GSDME: variants seen among roughly 807,000 people sequenced by gnomAD.
GSDME encodes the protein gasdermin-E.
A neutral mutation model predicts 47.5 loss-of-function variants in GSDME; 44 were observed. That is an observed-to-expected ratio of 0.93 (90% confidence interval 0.73 to 1.19). The LOEUF (loss-of-function observed/expected upper bound fraction) is 1.19. Among genes scored for constraint, GSDME ranks in the 50% most tolerant of loss-of-function variants. The pLI is 0.00. For missense variants in GSDME, 663 were observed against 604.2 expected, an observed-to-expected ratio of 1.10 and a Z score of -1.02; for synonymous variants, 258 against 252.8, an observed-to-expected ratio of 1.02 and a Z score of -0.20.
intron 3 of GSDME, among the ~76,000 whole-genome samples, chr7:24,723,007 C>G (rs1051578142): frequency 2.6e-5 from 4 of 152,218 alleles, no homozygotes; most frequent in Non-Finnish European, 2.9e-5. Context: ...ACAGCTCATG[C>G]AGGCCACTGG....
rs187462040 is a variant in GSDME at position 24,745,344 on chromosome 7, A to C, written c.212-590T>G. Among the ~76,000 whole-genome samples, 9 of 152,144 alleles carry C rather than the reference A, an allele frequency of 5.9e-5. No individual in the cohort carries two copies. The East Asian group carries it at 1.4e-3, about 23-fold the overall frequency. On this transcript the variant is annotated intron_variant, in intron 2 of 9. Transcript: ENST00000645220. The surrounding 1 kb of genome is among the most constrained non-coding windows in gnomAD (Gnocchi z 4.4). ...AGGCCTGTCTGGGGGCATCTTGTCT[A>C]CCCACCCACCAGTCTTGGAAAACAA...
chr7:24,788,255 G>A, the GSDME span, among the ~76,000 whole-genome samples: 2 of 152,200 alleles, frequency 1.3e-5, no homozygotes, highest in African/African-American at 2.4e-5. This position sits in a 1 kb window ranked among gnomAD's most constrained non-coding sequence, Gnocchi z 4.6. Flanking sequence ...GGCTCTCTCG[G>A]GTTCAGCCAC....
At chr7:24,702,373 G>C in intron 9 of GSDME, 2 of 351,236 alleles carry the variant, frequency 5.7e-6, no homozygotes, top group Non-Finnish European at 5.6e-6. Context: ...TGGCAAATCT[G>C]CTGCAGAGCT....
chr7:24,779,535 G>A, the GSDME span, among the ~76,000 whole-genome samples: 14 of 151,732 alleles, frequency 9.2e-5, no homozygotes, highest in Non-Finnish European at 1.3e-4. The surrounding 1 kb of genome is among the most constrained non-coding windows in gnomAD (Gnocchi z 6.0). Flanking sequence ...GTGTGTCTGT[G>A]TGTTGTGCCA....
chr7:24,712,925 G>T lies in GSDME; in HGVS notation c.698-2537C>A, dbSNP rs1021547203. 3.3e-5 allele frequency among the ~76,000 whole-genome samples: 5 copies of T among 152,014 alleles called. No homozygotes were observed. Among genetic ancestry groups the T allele is most frequent in the Non-Finnish European group, 5.9e-5 (4 of 68,024 alleles). ...CCCAGTTACTCAGGAGGCTGAGGCA[G>T]GAGAATCGTTTGAACCTGGGAGGCG... On this transcript the variant is annotated intron_variant, in intron 5 of 9. Transcript: ENST00000645220. This position sits in a 1 kb window ranked among gnomAD's most constrained non-coding sequence, Gnocchi z 4.4.
intron 3 of GSDME, among the ~76,000 whole-genome samples, chr7:24,723,412 G>C (rs1378517811): frequency 6.6e-6 from 1 of 152,144 alleles, no homozygotes; most frequent in Non-Finnish European, 1.5e-5. Context: ...GCCCTCCTCA[G>C]AACAGAAATC....
At position 24,757,139 on chromosome 7, in the gene GSDME, A is replaced by G. The variant is rs1791050949; in HGVS notation, c.-20+257T>C. ...GGATGGGAAGGGGATGCTGACTGCG[A>G]GTTGGGGCGGGACGCGGTGATGGGA... On this transcript the variant is annotated intron_variant, in intron 1 of 9. Coordinates refer to ENST00000645220, the MANE Select transcript of GSDME (RefSeq NM_001127453.2). This position sits in a 1 kb window ranked among gnomAD's most constrained non-coding sequence, Gnocchi z 5.9. Among the ~76,000 whole-genome samples the G allele has an allele frequency of 6.6e-6, 1 of 151,744 alleles. No homozygotes were observed. The highest frequency in any genetic ancestry group is 2.1e-4 in the South Asian group (1 of 4,822).
At position 24,716,105 on chromosome 7, in the gene GSDME, C is replaced by T. The variant is rs1789543084; in HGVS notation, c.697+1149G>A. 6.6e-6 allele frequency among the ~76,000 whole-genome samples: 1 copy of T among 152,220 alleles called. No individual in the cohort carries two copies. The highest frequency in any genetic ancestry group is 2.4e-5 in the African/African-American group (1 of 41,450). ...TCACGGGAGACTGCCCCCCACCCGC[C>T]TTCCACAAATGGGGGAGAAGCAGGA... On this transcript the variant is annotated intron_variant, in intron 5 of 9. Transcript: ENST00000645220. This position sits in a 1 kb window ranked among gnomAD's most constrained non-coding sequence, Gnocchi z 4.5.
At chr7:24,753,552 T>TG (rs1424516720) in intron 1 of GSDME, among the ~76,000 whole-genome samples, 1 of 152,100 alleles carries the variant, frequency 6.6e-6, no homozygotes, top group Non-Finnish European at 1.5e-5. Flanking sequence ...GCTAGAACAA[T>TG]GGGTAAATGC....
At chr7:24,753,620 T>C (rs1790925289) in intron 1 of GSDME, among the ~76,000 whole-genome samples, 1 of 152,236 alleles carries the variant, frequency 6.6e-6, no homozygotes, top group African/African-American at 2.4e-5. Context: ...TACAAAAGTA[T>C]CCATCTTAGC....
At chr7:24,781,568 A>G in the GSDME span, among the ~76,000 whole-genome samples, 3 of 152,308 alleles carry the variant, frequency 2.0e-5, no homozygotes, top group South Asian at 4.1e-4. Flanking sequence ...TTCTCAAACT[A>G]TTTGATCTTA....
chr7:24,721,902 G>T lies in GSDME; in HGVS notation c.405-2684C>A, dbSNP rs151150851. On this transcript the variant is annotated intron_variant, in intron 3 of 9. Transcript: ENST00000645220. This position sits in a 1 kb window ranked among gnomAD's most constrained non-coding sequence, Gnocchi z 4.1. ...GCCAGGTGTGTGCCTACCCCGAGGCGTTGGCACACATTCCCTGATGGCCAC... is the reference window on the plus strand; with the variant it reads ...GCCAGGTGTGTGCCTACCCCGAGGCTTTGGCACACATTCCCTGATGGCCAC... 1.1e-4 allele frequency among the ~76,000 whole-genome samples: 17 copies of T among 152,294 alleles called. No individual in the cohort carries two copies. The South Asian group carries it at 3.5e-3, about 32-fold the overall frequency.
At chr7:24,760,178 T>C (rs1481721656), upstream of GSDME, among the ~76,000 whole-genome samples, 2 of 152,194 alleles carry the variant, frequency 1.3e-5, no homozygotes. The surrounding 1 kb of genome is among the most constrained non-coding windows in gnomAD (Gnocchi z 4.2). Flanking sequence ...AACACATCTA[T>C]TGGGTGTCGT....
the GSDME span, among the ~76,000 whole-genome samples, chr7:24,777,001 AAAT>A: frequency 1.4e-4 from 21 of 152,200 alleles, no homozygotes; most frequent in African/African-American, 4.6e-4. Context: ...CTAGTTCTAT[AAAT>A]AATATAATTG....
chr7:24,755,784 A>G (rs929011396), intron 1 of GSDME, among the ~76,000 whole-genome samples: 4 of 152,210 alleles, frequency 2.6e-5, no homozygotes, highest in Non-Finnish European at 5.9e-5. Context: ...ATTCTGTAAC[A>G]TAAGAAAGTG....
In GSDME at chr7:24,739,213, T is replaced by G. The variant is rs1790408523; in HGVS notation, c.404+5349A>C. On this transcript the variant is annotated intron_variant, in intron 3 of 9. Transcript: ENST00000645220. This position sits in a 1 kb window ranked among gnomAD's most constrained non-coding sequence, Gnocchi z 5.1. ...CAACTCACAGAATGGGATAAAATAT[T>G]TTTACACTACCCATGTGACAAGAGA... 6.6e-6 allele frequency among the ~76,000 whole-genome samples: 1 copy of G among 152,072 alleles called. No individual in the cohort carries two copies. The highest frequency in any genetic ancestry group is 1.5e-5 in the Non-Finnish European group (1 of 67,992).
the GSDME span, among the ~76,000 whole-genome samples, chr7:24,773,064 C>A: frequency 0.046 from 7,049 of 152,282 alleles, 218 homozygotes; most frequent in Middle Eastern, 0.088. The surrounding 1 kb of genome is among the most constrained non-coding windows in gnomAD (Gnocchi z 5.4). Flanking sequence ...CCAAGGTGGG[C>A]TATGCAAGCC....
rs185044302 is a variant in GSDME, at chr7:24,742,074, A to G, written c.404+2488T>C. On this transcript the variant is annotated intron_variant, in intron 3 of 9. Transcript: ENST00000645220. This position sits in a 1 kb window ranked among gnomAD's most constrained non-coding sequence, Gnocchi z 4.4. ...ACAAGTAATAGGACTCCCGAGTCCA[A>G]GTGATCTCATCCCTGTGTCCAGGCA... Among the ~76,000 whole-genome samples, 3 of 152,328 alleles carry G rather than the reference A, an allele frequency of 2.0e-5. No homozygotes were observed. The East Asian group carries it at 5.8e-4, about 29-fold the overall frequency.
At chr7:24,772,975 G>T in the GSDME span, among the ~76,000 whole-genome samples, 20 of 152,224 alleles carry the variant, frequency 1.3e-4, 1 homozygote, top group South Asian at 2.9e-3. The surrounding 1 kb of genome is among the most constrained non-coding windows in gnomAD (Gnocchi z 4.5). Context: ...GGACCTATGG[G>T]GTTGGGGTGA....
Sources: gnomAD v4.1 joint callset for allele counts (sites outside exome capture counted in the v4.1 genomes callset) on GRCh38, gnomAD v4.1.1 for gene constraint, Gnocchi (gnomAD v3.1) non-coding constraint, MANE v1.5 for transcripts, NCBI Gene and HGNC (gene_info 2026-07-23, HGNC 2026-07-21) for gene names.